Variants in RND1 observed in about 807,000 individuals in gnomAD.
The protein encoded by RND1 is Rho family GTPase 1.
In RND1, 9 loss-of-function variants were observed where a neutral mutation model predicts 27.1. That is an observed-to-expected ratio of 0.33 (90% confidence interval 0.20 to 0.58). The LOEUF is 0.58. Among genes scored for constraint, RND1 ranks in the 20% least tolerant of loss-of-function variants. RND1 has a pLI of 0.86. For synonymous variants in RND1, 108 were observed against 115.7 expected (o/e 0.93, Z 0.43); for missense variants, 253 against 292.2 (o/e 0.87, Z 0.98).
At position 48,865,741 on chromosome 12, in the gene RND1, T is replaced by C; in HGVS notation, c.27A>G (p.Pro9=). MKERRAPQ[P]VVARCKLVLV... ...GAACGAGCTTACATCTGGCCACGAC[T>C]GGCTGGGGGGCCCGTCTCTCCTTCA... is the stretch of plus-strand genomic sequence containing the variant. The change falls in exon 1 of 5, where the codon CCA becomes CCG. Residue 9 remains proline, a synonymous_variant. Transcript: ENST00000309739. The C allele has an allele frequency of 6.2e-7, 1 of 1,607,160 alleles. No homozygotes were observed. Among genetic ancestry groups the C allele is most frequent in the Non-Finnish European group, 8.5e-7 (1 of 1,174,752 alleles).
At chr12:48,862,793 T>C (rs1291860222) in intron 2 of RND1, among the ~76,000 whole-genome samples, 1 of 151,904 alleles carries the variant, frequency 6.6e-6, no homozygotes, top group Non-Finnish European at 1.5e-5. Flanking sequence ...GGAAGGGAAA[T>C]AGGCAATGCA....
rs764140360 is a variant in RND1, at chr12:48,865,762, C to T, written c.6G>A (p.Lys2=). 30 of 1,599,080 alleles carry T rather than the reference C, an allele frequency of 1.9e-5. No individual in the cohort carries two copies. Among genetic ancestry groups the T allele is most frequent in the Non-Finnish European group, 2.6e-5 (30 of 1,169,384 alleles). The change falls in exon 1 of 5, where the codon AAG becomes AAA. Residue 2 remains lysine, a synonymous_variant. Transcript: ENST00000309739. The part of the protein sequence containing the change: M[K]ERRAPQPVVA... The stretch of plus-strand genomic sequence containing the variant: ...CGACTGGCTGGGGGGCCCGTCTCTC[C>T]TTCATGGTTGCAGTGTCCGCGGGAC...
intron 4 of RND1, among the ~76,000 whole-genome samples, chr12:48,860,075 GC>G (rs1412764256): frequency 3.7e-4 from 49 of 133,856 alleles, no homozygotes; most frequent in Middle Eastern, 4.1e-3. Flanking sequence ...ACCACACCTG[GC>G]CTTTTTTTTT....
At position 48,857,745 on chromosome 12, in the gene RND1, G is replaced by A. The variant is rs990153812; in HGVS notation, c.*251C>T. 5.3e-5 allele frequency: 19 copies of A among 361,502 alleles called. No homozygotes were observed. The highest frequency in any genetic ancestry group is 7.9e-5 in the Non-Finnish European group (16 of 202,240). The allele number at this position is 361,502 out of a possible 1,614,324, so 22.4% of individuals were successfully genotyped here. A position where few individuals can be genotyped will look rare whatever the true frequency, so the allele number is the denominator to read the frequency against. ...CAGCTTTCCTTCCTCTGGAGCGGGG[G>A]GGGCACTGGGGTAGTCGCCCCCTCC... On this transcript the variant is annotated 3_prime_UTR_variant, in exon 5 of 5. Transcript: ENST00000309739.
At chr12:48,862,908 A>G (rs2137509274) in intron 2 of RND1, among the ~76,000 whole-genome samples, 2 of 152,198 alleles carry the variant, frequency 1.3e-5, no homozygotes, top group South Asian at 4.2e-4. Flanking sequence ...CCGTGCTCAG[A>G]ATAGCAAGCA....
intron 2 of RND1, among the ~76,000 whole-genome samples, chr12:48,862,966 A>G (rs1938936310): frequency 6.6e-6 from 1 of 151,744 alleles, no homozygotes; most frequent in African/African-American, 2.4e-5. Context: ...GGGGAATCCA[A>G]GCTGGTGGGG....
At chr12:48,858,968 T>C (rs945288519) in intron 4 of RND1, 2 of 148,358 alleles carry the variant, frequency 1.3e-5, no homozygotes, top group Non-Finnish European at 3.0e-5. Context: ...TTTTCTTTTT[T>C]TTTTTTTTTT....
intron 1 of RND1, 85 bp downstream of exon 1, chr12:48,865,563 G>C: frequency 6.8e-7 from 1 of 1,477,394 alleles, no homozygotes; most frequent in Non-Finnish European, 9.2e-7. Context: ...GGCTGGGGGA[G>C]CCACGTCTCC....
In RND1 at chr12:48,858,258, G is replaced by A. The variant is rs1938870308; in HGVS notation, c.454-17C>T. ...TGCACAACCCTGCAGGAGGGGGTGAGGGCATTAATGCAGTGGGCCAAAATG... is the reference window on the plus strand; with the variant it reads ...TGCACAACCCTGCAGGAGGGGGTGAAGGCATTAATGCAGTGGGCCAAAATG... On this transcript the variant is annotated splice_polypyrimidine_tract_variant and intron_variant, in intron 4 of 4. Coordinates refer to ENST00000309739, the MANE Select transcript of RND1 (RefSeq NM_014470.4). 6.8e-6 allele frequency: 11 copies of A among 1,611,512 alleles called. No homozygotes were observed. The East Asian group carries it at 2.5e-4, about 36-fold the overall frequency.
intron 4 of RND1, 74 bp downstream of exon 4, chr12:48,860,923 G>A (rs1447469898): frequency 1.3e-6 from 2 of 1,596,458 alleles, no homozygotes; most frequent in Non-Finnish European, 1.7e-6. Context: ...ATTTGAGCCA[G>A]GGCCATATTT....
rs1396683250 is a variant in RND1, at chr12:48,857,864, C to T, written c.*132G>A. 2 of 1,115,180 alleles carry T rather than the reference C, an allele frequency of 1.8e-6. No individual in the cohort carries two copies. The highest frequency in any genetic ancestry group is 2.5e-6 in the Non-Finnish European group (2 of 800,938). 69.1% of individuals were successfully genotyped at this position (1,115,180 alleles called of 1,614,324 possible). ...TCCTTCCTCGCCCCATTCCTGTCTC[C>T]TTCCAAGCCCTCACCGTGGCCATCT... On this transcript the variant is annotated 3_prime_UTR_variant, in exon 5 of 5. Transcript: ENST00000309739.
intron 1 of RND1, 112 bp downstream of exon 1, chr12:48,865,536 G>T: frequency 1.6e-6 from 2 of 1,252,114 alleles, no homozygotes; most frequent in Non-Finnish European, 2.3e-6. Context: ...CTCAGAAAGC[G>T]GCTGAGGATG....
intron 3 of RND1, among the ~76,000 whole-genome samples, chr12:48,861,727 T>A (rs976856307): frequency 6.6e-6 from 1 of 152,128 alleles, no homozygotes; most frequent in African/African-American, 2.4e-5. Flanking sequence ...ACCTAAAGGT[T>A]CTCTGACTCT....
intron 3 of RND1, among the ~76,000 whole-genome samples, chr12:48,861,533 T>C (rs369720154): frequency 6.6e-6 from 1 of 152,182 alleles, no homozygotes; most frequent in African/African-American, 2.4e-5. Context: ...GCATCTTCTA[T>C]ACTATGCTAG....
At chr12:48,860,860 A>G in intron 4 of RND1, 137 bp downstream of exon 4, 1 of 1,238,600 alleles carries the variant, frequency 8.1e-7, no homozygotes, top group Non-Finnish European at 1.2e-6. Context: ...ACCTCTCTCC[A>G]GGTGACTCAT....
Position 48,860,986 on chromosome 12 carries a change from TGCGCACA to T in RND1, c.453+4_453+10del, listed in dbSNP as rs1938912109. 6.2e-7 allele frequency: 1 copy of T among 1,612,894 alleles called. No homozygotes were observed. Among genetic ancestry groups the T allele is most frequent in the East Asian group, 2.2e-5 (1 of 44,888 alleles). On this transcript the variant is annotated splice_donor_5th_base_variant and intron_variant, in intron 4 of 4. Coordinates refer to ENST00000309739, the MANE Select transcript of RND1 (RefSeq NM_014470.4). Reference sequence around the variant, plus strand: ...CTCCACCCCACGACATGCACTTGCATGCGCACACACCTGCTCATAGGAGATGGGCGCC... The same window carrying T: ...CTCCACCCCACGACATGCACTTGCATCACCTGCTCATAGGAGATGGGCGCC...
In RND1 at chr12:48,857,986, A is replaced by G. The variant is rs1938866865; in HGVS notation, c.*10T>C. Reference sequence around the variant, plus strand: ...AAGTAGGGGGTTGTCTCCCCCCTCCAATTTCCACTTCACATAATGGAACAG... The same window carrying G: ...AAGTAGGGGGTTGTCTCCCCCCTCCGATTTCCACTTCACATAATGGAACAG... On this transcript the variant is annotated 3_prime_UTR_variant, in exon 5 of 5. Transcript: ENST00000309739. 3 of 1,581,902 alleles carry G rather than the reference A, an allele frequency of 1.9e-6. No homozygotes were observed. The African/African-American group carries it at 4.1e-5, about 21-fold the overall frequency.
intron 2 of RND1, among the ~76,000 whole-genome samples, chr12:48,863,850 G>A (rs1342903715): frequency 6.6e-6 from 1 of 152,230 alleles, no homozygotes; most frequent in East Asian, 1.9e-4. Context: ...TTTTTGGGGA[G>A]GGGTGGATTT....
intron 1 of RND1, chr12:48,865,407 T>G: frequency 1.9e-6 from 1 of 538,106 alleles, no homozygotes; most frequent in Non-Finnish European, 3.4e-6. Flanking sequence ...GGGGATCTGA[T>G]GGGTCCTCTG....
Sources: gnomAD v4.1 joint callset for allele counts (sites outside exome capture counted in the v4.1 genomes callset) on GRCh38, gnomAD v4.1.1 for gene constraint, MANE v1.5 for transcripts, NCBI Gene and HGNC (gene_info 2026-07-23, HGNC 2026-07-21) for gene names.